RXRA: variants seen among roughly 807,000 people sequenced by gnomAD.
RXRA encodes the protein retinoic acid receptor RXR-alpha.
In RXRA, 5 loss-of-function variants were observed where a neutral mutation model predicts 44.5. That is an observed-to-expected ratio of 0.11 (90% CI 0.06 to 0.24). The LOEUF is 0.24. RXRA is among the 10% of genes least tolerant of loss of function. The pLI is 1.00. For missense variants in RXRA, 412 were observed against 646.5 expected (o/e 0.64, Z 3.93); for synonymous variants, 291 against 271.4 (o/e 1.07, Z -0.71).
intron 1 of RXRA, among the ~76,000 whole-genome samples, chr9:134,364,974 C>T (rs903308192): frequency 3.9e-5 from 6 of 152,244 alleles, no homozygotes; most frequent in Admixed American, 6.5e-5. Context: ...TGCTTACCTG[C>T]CCTCTTACTT....
intron 1 of RXRA, among the ~76,000 whole-genome samples, chr9:134,331,953 T>G (rs1835013294): frequency 6.6e-6 from 1 of 152,190 alleles, no homozygotes; most frequent in African/African-American, 2.4e-5. Context: ...CCATTGCTGG[T>G]CTTGGCCCGA....
chr9:134,395,654 C>T (rs1830866707), intron 1 of RXRA, among the ~76,000 whole-genome samples: 1 of 152,220 alleles, frequency 6.6e-6, no homozygotes, highest in Admixed American at 6.5e-5. Context: ...TGGGTGACTT[C>T]ATAGGCCTGG....
rs749910719 is a variant in RXRA at position 134,438,396 on chromosome 9, AGT to A, written c.*1784_*1785del. The A allele has an allele frequency of 1.3e-5, 2 of 152,112 alleles. No homozygotes were observed. The highest frequency in any genetic ancestry group is 2.9e-5 in the Non-Finnish European group (2 of 68,028). 9.4% of individuals were successfully genotyped at this position (152,112 alleles called of 1,614,324 possible). ...AGCCAGAGCTGAGCTTAGGCACCCG[AGT>A]GGAGCCTGCAGCTGAGTCTGTGCCC... is the stretch of plus-strand genomic sequence containing the variant. On this transcript the variant is annotated 3_prime_UTR_variant, in exon 10 of 10. Coordinates refer to ENST00000481739, the MANE Select transcript of RXRA (RefSeq NM_002957.6).
chr9:134,390,179 C>A (rs1830779367), intron 1 of RXRA, among the ~76,000 whole-genome samples: 1 of 152,172 alleles, frequency 6.6e-6, no homozygotes, highest in Admixed American at 6.5e-5. Flanking sequence ...AGTCCGCTCC[C>A]CAATCCCTGG....
chr9:134,418,501 G>A (rs1453714017), intron 5 of RXRA, among the ~76,000 whole-genome samples: 1 of 152,132 alleles, frequency 6.6e-6, no homozygotes, highest in South Asian at 2.1e-4. Context: ...ACACCAGCCT[G>A]CCCTCCGTGC....
chr9:134,380,255 T>G (rs1472619031), intron 1 of RXRA: 1 of 934,728 alleles, frequency 1.1e-6, no homozygotes, highest in Non-Finnish European at 1.3e-6. Context: ...GGAGTGGGGG[T>G]GGCCGGGGCA....
In RXRA at chr9:134,359,704, C is replaced by T. The variant is rs79839457; in HGVS notation, c.28+33045C>T. ...ACACACAGGCTGAGGGCAGGGGAAG[C>T]GTGGCCCTGGAGCCACGTGTGGCCC... is the stretch of plus-strand genomic sequence containing the variant. On this transcript the variant is annotated intron_variant, in intron 1 of 9. Transcript: ENST00000481739. Among the ~76,000 whole-genome samples, 522 of 152,292 alleles carry T rather than the reference C, an allele frequency of 3.4e-3. 12 individuals are homozygous for T. The East Asian group carries it at 0.077, about 22-fold the overall frequency.
intron 5 of RXRA, among the ~76,000 whole-genome samples, chr9:134,419,859 G>C (rs1043978784): frequency 2.0e-5 from 3 of 152,214 alleles, no homozygotes; most frequent in African/African-American, 7.2e-5. Flanking sequence ...CCTGCCGGGA[G>C]TGTGCCTCCT....
rs534053203 is a variant in RXRA at position 134,422,687 on chromosome 9, C to A, written c.910+882C>A. The A allele has an allele frequency of 6.1e-6, 6 of 985,380 alleles. No homozygotes were observed. In the South Asian group the frequency reaches 2.8e-4, roughly 46 times the overall value. 61.0% of individuals were successfully genotyped at this position (985,380 alleles called of 1,614,324 possible). ...ACACTCCCCACTCCCGGGACACTCC[C>A]CCGTCCTGGGACCTCCTATGTACTC... On this transcript the variant is annotated intron_variant, in intron 6 of 9. Transcript: ENST00000481739.
chr9:134,381,415 T>C (rs897980494), intron 1 of RXRA, among the ~76,000 whole-genome samples: 7 of 152,058 alleles, frequency 4.6e-5, no homozygotes, highest in African/African-American at 1.7e-4. Context: ...CTGGGCCCTG[T>C]TGGATCTTCT....
chr9:134,326,686 A>ACGGGGC (rs1371012599), intron 1 of RXRA, 27 bp downstream of exon 1: 1 of 797,260 alleles, frequency 1.3e-6, no homozygotes, highest in Non-Finnish European at 1.5e-6. Flanking sequence ...CCGGGCGGGG[A>ACGGGGC]CGGGGCCGGG....
chr9:134,421,543 G>T (rs771811785), intron 5 of RXRA, 133 bp from the exon 6 acceptor site: 158 of 1,033,630 alleles, frequency 1.5e-4, no homozygotes, highest in Non-Finnish European at 2.1e-4. Flanking sequence ...GGGGATTGGG[G>T]CCTGGGCATC....
chr9:134,409,010 G>C lies in RXRA; in HGVS notation c.501G>C (p.Leu167=), dbSNP rs550771468. ...GFFKRTVRKD[L]TYTCRDNKDC... is the part of the protein sequence containing the mutation. ...TCAAGCGGACGGTGCGCAAGGACCT[G>C]ACCTACACCTGCCGCGACAACAAGG... Residue 167 remains leucine (L), a synonymous_variant, in exon 4 of 10, where the codon CTG becomes CTC. Coordinates refer to ENST00000481739, the MANE Select transcript of RXRA (RefSeq NM_002957.6). 109 of 1,611,666 alleles carry C rather than the reference G, an allele frequency of 6.8e-5. No individual in the cohort carries two copies. In the South Asian group the frequency reaches 1.2e-3, roughly 17 times the overall value.
At chr9:134,372,296 C>T (rs923355849) in intron 1 of RXRA, among the ~76,000 whole-genome samples, 5 of 152,042 alleles carry the variant, frequency 3.3e-5, no homozygotes, top group East Asian at 1.9e-4. Context: ...GGTGGAGGGC[C>T]GCAGCCAGGG....
At chr9:134,395,180 G>C (rs1479948096) in intron 1 of RXRA, among the ~76,000 whole-genome samples, 1 of 152,248 alleles carries the variant, frequency 6.6e-6, no homozygotes, top group African/African-American at 2.4e-5. Flanking sequence ...TGCAACCCCG[G>C]TCACTCCGAA....
intron 7 of RXRA, 43 bp downstream of exon 7, chr9:134,429,283 C>T (rs751708230): frequency 1.3e-6 from 2 of 1,594,936 alleles, no homozygotes; most frequent in African/African-American, 2.7e-5. Flanking sequence ...TCGGTCACCT[C>T]CGCCACCAGG....
chr9:134,432,399 G>C (rs111879069), intron 8 of RXRA, among the ~76,000 whole-genome samples: 5 of 152,358 alleles, frequency 3.3e-5, no homozygotes, highest in African/African-American at 1.2e-4. Context: ...CCTGCCGGGT[G>C]TTCCAGAGGG....
chr9:134,355,567 A>G (rs1018162865), intron 1 of RXRA, among the ~76,000 whole-genome samples: 5 of 151,846 alleles, frequency 3.3e-5, no homozygotes, highest in Admixed American at 2.0e-4. Flanking sequence ...TCAGAATTAC[A>G]GTGGAGGGGT....
chr9:134,332,317 G>C (rs1320395711), intron 1 of RXRA, among the ~76,000 whole-genome samples: 2 of 152,214 alleles, frequency 1.3e-5, no homozygotes, highest in African/African-American at 4.8e-5. Flanking sequence ...GGGCAGGGCA[G>C]GGTAGGGGCA....
Sources: allele counts gnomAD v4.1 joint callset (sites outside exome capture counted in the v4.1 genomes callset), GRCh38; gene constraint gnomAD v4.1.1; transcripts MANE v1.5; gene names NCBI Gene and HGNC (gene_info 2026-07-23, HGNC 2026-07-21).